The following TRMT11 variants were observed in gnomAD, a reference collection of about 807,000 sequenced individuals.
TRMT11 encodes tRNA methyltransferase 11, also known as tRNA (guanine(10)-N(2))-methyltransferase TRMT11.
A neutral mutation model predicts 62.8 loss-of-function variants in TRMT11; 53 were observed. The ratio of observed to expected loss-of-function variants is 0.84; its 90% CI spans 0.68 to 1.06. The LOEUF (loss-of-function observed/expected upper bound fraction) is 1.06. TRMT11 is among the 50% of genes least tolerant of loss of function. The pLI, the probability that TRMT11 is intolerant of heterozygous loss-of-function variation, is 0.00. For synonymous variants in TRMT11, 188 were observed against 190.3 expected (o/e 0.99, Z 0.10); for missense variants, 556 against 553.4 (o/e 1.00, Z -0.05).
intron 21 of TRMT11, among the ~76,000 whole-genome samples, chr6:126,121,940 C>T (rs1342556722): frequency 2.6e-5 from 4 of 151,964 alleles, no homozygotes; most frequent in Admixed American, 2.6e-4. Flanking sequence ...TGGCAGTGTC[C>T]CCACCCAAAT....
At chr6:126,043,094 G>A (rs1314846732), downstream of TRMT11, among the ~76,000 whole-genome samples, 3 of 150,708 alleles carry the variant, frequency 2.0e-5, no homozygotes, top group Non-Finnish European at 3.0e-5. Context: ...GGGTACATGT[G>A]CATAATGTGC....
Position 126,021,173 on chromosome 6 carries a change from A to T in TRMT11, c.1153A>T (p.Met385Leu), listed in dbSNP as rs774030001. ...PVYTPEYTEE[M>L]VPWHPCLELV... ...TTCTTTCTTCAGATACACTGAAGAG[A>T]TGGTGCCTTGGCACCCTTGCCTGGA... Residue 385 changes from methionine to leucine, a missense_variant, in exon 12 of 13, where the codon ATG (methionine) becomes TTG (leucine). Met to Leu is a conservative substitution (Grantham distance 15, BLOSUM62 2). Transcript: ENST00000334379. 2 of 1,614,008 alleles carry T rather than the reference A, an allele frequency of 1.2e-6. No homozygotes were observed. Among genetic ancestry groups the T allele is most frequent in the East Asian group, 4.5e-5 (2 of 44,876 alleles).
intron 18 of TRMT11, among the ~76,000 whole-genome samples, chr6:126,114,013 GAAATCAATATAGTGAGTTGTAACT>G (rs1280684923): frequency 6.6e-6 from 1 of 152,036 alleles, no homozygotes; most frequent in Non-Finnish European, 1.5e-5. Flanking sequence ...AGTGGGTCAT[GAAATCAATATAGTGAGTTGTAACT>G]AGCACATTCA....
chr6:126,186,996 TA>T (rs1778535233), intron 1 of TRMT11, among the ~76,000 whole-genome samples: 1 of 152,002 alleles, frequency 6.6e-6, no homozygotes. Flanking sequence ...AAGTCATCTA[TA>T]AAAAAGCTTA....
At position 126,089,367 on chromosome 6, in the gene TRMT11, C is replaced by T. The variant is rs188363649; in HGVS notation, c.*1438-23499C>T. Among the ~76,000 whole-genome samples the T allele has an allele frequency of 6.7e-3, 1,023 of 152,282 alleles. 13 individuals carry two copies. The highest frequency in any genetic ancestry group is 0.023 in the African/African-American group (952 of 41,538). On this transcript the variant is annotated intron_variant and NMD_transcript_variant, in intron 17 of 22. Transcript: ENST00000648977. ...GACCTCGGGATCCGCCTGTCTCGGC[C>T]TCCCAAAGTGCTGGGATTACAGGAG...
Position 126,014,198 on chromosome 6 carries a change from A to T in TRMT11, c.1139+1097A>T, listed in dbSNP as rs1225512347. On this transcript the variant is annotated intron_variant, in intron 11 of 12. Transcript: ENST00000334379. Reference sequence around the variant, plus strand: ...AGGTTATTTCTTCAATCTGACATAGATATATTTTTAATACAATTATTTTAA... The same window carrying T: ...AGGTTATTTCTTCAATCTGACATAGTTATATTTTTAATACAATTATTTTAA... Among the ~76,000 whole-genome samples the T allele has an allele frequency of 2.0e-5, 3 of 152,104 alleles. No individual in the cohort carries two copies. In the East Asian group the frequency reaches 5.8e-4, roughly 29 times the overall value.
chr6:126,029,576 T>G (rs903668741), intron 12 of TRMT11, among the ~76,000 whole-genome samples: 2 of 152,188 alleles, frequency 1.3e-5, no homozygotes, highest in African/African-American at 4.8e-5. Context: ...TTATGGAAAT[T>G]TAAAAAACTC....
chr6:125,996,043 A>G lies in TRMT11; in HGVS notation c.212+3A>G, dbSNP rs1158995583. On this transcript the variant is annotated splice_donor_region_variant and intron_variant, in intron 3 of 12. Coordinates refer to ENST00000334379, the MANE Select transcript of TRMT11 (RefSeq NM_001031712.3). ...ATGAAACGGACAGTGTGTGCCAAGT[A>G]AGAGAAACTTATGTTCTCCTGCATG... 5 of 1,597,108 alleles carry G rather than the reference A, an allele frequency of 3.1e-6. No individual in the cohort carries two copies. In the Admixed American group the frequency reaches 5.0e-5, roughly 16 times the overall value.
chr6:126,096,250 G>GCATCA (rs1777338705), intron 17 of TRMT11, among the ~76,000 whole-genome samples: 5 of 152,170 alleles, frequency 3.3e-5, no homozygotes, highest in Admixed American at 6.5e-5. Context: ...AACCTGATTG[G>GCATCA]TAAAGTGGTG....
At chr6:126,106,602 G>C (rs1562324242) in intron 17 of TRMT11, among the ~76,000 whole-genome samples, 1 of 152,202 alleles carries the variant, frequency 6.6e-6, no homozygotes. Context: ...ACTTGGGTTT[G>C]AATGCGGCCT....
chr6:126,203,071 C>G (rs922877991), downstream of TRMT11, among the ~76,000 whole-genome samples: 2 of 152,166 alleles, frequency 1.3e-5, no homozygotes, highest in African/African-American at 4.8e-5. Flanking sequence ...CTGGCTGTGG[C>G]TTACCAAGTA....
chr6:126,205,898 T>TACACACAC (rs59880424), downstream of TRMT11, among the ~76,000 whole-genome samples: 15 of 143,070 alleles, frequency 1.0e-4, no homozygotes, highest in East Asian at 4.2e-4. Flanking sequence ...TGTGAGAGGG[T>TACACACAC]ACACACACAC....
intron 17 of TRMT11, among the ~76,000 whole-genome samples, chr6:126,056,631 T>C (rs1484832267): frequency 1.3e-5 from 2 of 152,052 alleles, no homozygotes; most frequent in Non-Finnish European, 2.9e-5. Flanking sequence ...AGTAAAGACT[T>C]AGGCCAGGCG....
intron 1 of TRMT11, among the ~76,000 whole-genome samples, chr6:126,177,745 T>TC (rs889375264): frequency 1.3e-4 from 20 of 152,216 alleles, no homozygotes; most frequent in African/African-American, 4.6e-4. Context: ...ACCTTTTTTT[T>TC]CAACTCTTTG....
chr6:125,991,811 A>G (rs1372561864), intron 1 of TRMT11, among the ~76,000 whole-genome samples: 2 of 152,208 alleles, frequency 1.3e-5, no homozygotes, highest in Admixed American at 1.3e-4. Flanking sequence ...AGGGCTAAGT[A>G]TAGTTGGCAG....
intron 21 of TRMT11, among the ~76,000 whole-genome samples, chr6:126,118,986 A>G (rs905957164): frequency 2.0e-5 from 3 of 152,128 alleles, no homozygotes; most frequent in Non-Finnish European, 4.4e-5. Context: ...GGATTTTTAT[A>G]TACTTTCCCA....
intron 21 of TRMT11, among the ~76,000 whole-genome samples, chr6:126,152,697 T>C (rs1335107217): frequency 1.3e-5 from 2 of 152,200 alleles, no homozygotes; most frequent in Admixed American, 1.3e-4. Flanking sequence ...GGAGCTGAGG[T>C]TGCTTTTAAA....
chr6:126,257,623 T>C, the TRMT11 span, among the ~76,000 whole-genome samples: 155 of 152,328 alleles, frequency 1.0e-3, no homozygotes, highest in African/African-American at 3.7e-3. Flanking sequence ...AGTTATCAGA[T>C]CCTTGGTTTT....
chr6:126,129,416 T>G (rs2128205416), intron 21 of TRMT11, among the ~76,000 whole-genome samples: 1 of 152,282 alleles, frequency 6.6e-6, no homozygotes, highest in East Asian at 1.9e-4. Context: ...AAAATGTTAG[T>G]GTATTTCCAG....
Sources: allele counts gnomAD v4.1 joint callset (sites outside exome capture counted in the v4.1 genomes callset), GRCh38; gene constraint gnomAD v4.1.1; transcripts MANE v1.5; gene names NCBI Gene and HGNC (gene_info 2026-07-23, HGNC 2026-07-21).